The following FAM135B variants were observed in gnomAD, a reference collection of about 807,000 sequenced individuals.
FAM135B encodes the protein family with sequence similarity 135 member B.
FAM135B carries 43 observed loss-of-function variants against 127.7 expected under a neutral mutation model. The observed-to-expected ratio is 0.34, with a 90% CI of 0.26 to 0.43. The LOEUF is 0.43. FAM135B is among the 20% of genes least tolerant of loss of function. FAM135B has a pLI of 1.00. For synonymous variants in FAM135B, 670 were observed against 665.1 expected (o/e 1.01, Z -0.11); for missense variants, 1,558 against 1,725.6 (o/e 0.90, Z 1.72).
chr8:138,152,565 G>C lies in FAM135B; in HGVS notation c.1910C>G (p.Pro637Arg), dbSNP rs1004482852. ...KMVLLSLKLT[P>R]SEPCDPLSST... ...ACTTAGTGGATCACAGGGCTCAGAG[G>C]GGGTGAGTTTCAAGCTTAGCAGCAC... Residue 637 changes from proline (P) to arginine (R), a missense_variant, in exon 13 of 20, where the codon CCC becomes CGC. This residue lies in a region of FAM135B where 923 missense variants were observed against 865.3 expected (regional missense o/e 1.07). Transcript: ENST00000395297. The C allele has an allele frequency of 1.2e-6, 2 of 1,614,038 alleles. No homozygotes were observed. Among genetic ancestry groups the C allele is most frequent in the Non-Finnish European group, 1.7e-6 (2 of 1,180,036 alleles).
At chr8:138,173,574 G>C (rs932703619) in intron 11 of FAM135B, among the ~76,000 whole-genome samples, 1 of 152,166 alleles carries the variant, frequency 6.6e-6, no homozygotes, top group African/African-American at 2.4e-5. Flanking sequence ...ACGAGCCAAA[G>C]CATGTAACGC....
At chr8:138,309,392 G>A (rs1000769001) in intron 3 of FAM135B, among the ~76,000 whole-genome samples, 2 of 152,222 alleles carry the variant, frequency 1.3e-5, no homozygotes, top group Non-Finnish European at 2.9e-5. Context: ...TGGAGGGAAA[G>A]AGGAGGAACA....
At position 138,132,863 on chromosome 8, in the gene FAM135B, C is replaced by CT; in HGVS notation, c.4016-66_4016-65insA. On this transcript the variant is annotated intron_variant, in intron 19 of 19. Coordinates refer to ENST00000395297, the MANE Select transcript of FAM135B (RefSeq NM_015912.4). This position sits in a 1 kb window ranked among gnomAD's most constrained non-coding sequence, Gnocchi z 4.5. ...ATTAGCAGTGGAATCTAGAGAACAT[C>CT]ACTAGATGTGTGTCGAAATTCTGTT... The CT allele has an allele frequency of 6.9e-7, 1 of 1,452,160 alleles. No individual in the cohort carries two copies. Among genetic ancestry groups the CT allele is most frequent in the Non-Finnish European group, 9.7e-7 (1 of 1,035,270 alleles). The allele number at this position is 1,452,160 out of a possible 1,614,324, so 90.0% of individuals were successfully genotyped here.
chr8:138,312,758 G>A (rs1304609823), intron 2 of FAM135B, among the ~76,000 whole-genome samples: 1 of 152,150 alleles, frequency 6.6e-6, no homozygotes, highest in Non-Finnish European at 1.5e-5. Context: ...AACCTGCCAA[G>A]AGAAGGACTT....
chr8:138,306,690 C>T (rs1019572991), intron 3 of FAM135B, among the ~76,000 whole-genome samples: 1 of 151,528 alleles, frequency 6.6e-6, no homozygotes, highest in Non-Finnish European at 1.5e-5. Context: ...TCAAGCAATT[C>T]TCCTGTCTCA....
chr8:138,410,625 CA>C (rs1335632328), intron 1 of FAM135B, among the ~76,000 whole-genome samples: 10 of 152,064 alleles, frequency 6.6e-5, no homozygotes, highest in African/African-American at 2.4e-4. Context: ...ATTAAAAAGT[CA>C]AAAAACAACA....
intron 7 of FAM135B, among the ~76,000 whole-genome samples, chr8:138,230,657 G>A (rs1819838784): frequency 6.6e-6 from 1 of 152,170 alleles, no homozygotes; most frequent in South Asian, 2.1e-4. Context: ...CTCCTTCTAG[G>A]AGACTGTTCA....
intron 12 of FAM135B, among the ~76,000 whole-genome samples, chr8:138,163,726 T>G (rs1252857376): frequency 6.6e-6 from 1 of 152,154 alleles, no homozygotes; most frequent in Admixed American, 6.5e-5. Flanking sequence ...TACCCAGTCT[T>G]GGGTATGTCT....
intron 1 of FAM135B, among the ~76,000 whole-genome samples, chr8:138,410,570 G>A (rs539370932): frequency 9.2e-5 from 14 of 152,024 alleles, no homozygotes; most frequent in South Asian, 2.1e-4. Flanking sequence ...AACATAAACC[G>A]AAACCATAAT....
chr8:138,279,899 C>T (rs960264734), intron 3 of FAM135B, among the ~76,000 whole-genome samples: 1 of 152,160 alleles, frequency 6.6e-6, no homozygotes, highest in Non-Finnish European at 1.5e-5. Flanking sequence ...AAAAAGTTGC[C>T]AAATGAGCAC....
chr8:138,288,598 G>A (rs1011628900), intron 3 of FAM135B, among the ~76,000 whole-genome samples: 1 of 152,158 alleles, frequency 6.6e-6, no homozygotes, highest in African/African-American at 2.4e-5. Context: ...AGGAAACGGA[G>A]GAAGTCCACT....
intron 2 of FAM135B, among the ~76,000 whole-genome samples, chr8:138,363,632 C>T (rs1425443277): frequency 6.6e-6 from 1 of 152,158 alleles, no homozygotes; most frequent in East Asian, 1.9e-4. Context: ...TCGCTCAAAG[C>T]CAACATCATT....
chr8:138,177,026 G>A (rs1424805131), intron 11 of FAM135B, among the ~76,000 whole-genome samples: 1 of 152,174 alleles, frequency 6.6e-6, no homozygotes, highest in Non-Finnish European at 1.5e-5. Context: ...CATAGTTTGA[G>A]GCCACACCAC....
At chr8:138,349,055 C>T (rs1829610692) in intron 2 of FAM135B, among the ~76,000 whole-genome samples, 1 of 152,162 alleles carries the variant, frequency 6.6e-6, no homozygotes, top group Non-Finnish European at 1.5e-5. Flanking sequence ...CACCATGTAA[C>T]CCTAGGGTGA....
chr8:138,486,981 T>C (rs989170262), intron 1 of FAM135B, among the ~76,000 whole-genome samples: 1 of 152,074 alleles, frequency 6.6e-6, no homozygotes, highest in Non-Finnish European at 1.5e-5. Context: ...TTTTTTTAAT[T>C]ATACTTTAAG....
At chr8:138,418,193 A>G (rs1260609456) in intron 1 of FAM135B, among the ~76,000 whole-genome samples, 1 of 152,184 alleles carries the variant, frequency 6.6e-6, no homozygotes. Context: ...AAAGATGATG[A>G]AAGAATCTCA....
intron 1 of FAM135B, among the ~76,000 whole-genome samples, chr8:138,375,639 T>C (rs569439198): frequency 6.6e-6 from 1 of 152,208 alleles, no homozygotes; most frequent in South Asian, 2.1e-4. Context: ...TCTAGTTAAT[T>C]GTATGAGTGT....
At position 138,360,695 on chromosome 8, in the gene FAM135B, G is replaced by A. The variant is rs969106392; in HGVS notation, c.77+7212C>T. On this transcript the variant is annotated intron_variant, in intron 2 of 19. Coordinates refer to ENST00000395297, the MANE Select transcript of FAM135B (RefSeq NM_015912.4). ...GAACTTTAGCAAGTGCTGACACCTC[G>A]GTCCCACTGTGAAGATTTTTTTTAC... is the stretch of plus-strand genomic sequence containing the variant. Among the ~76,000 whole-genome samples the A allele has an allele frequency of 1.5e-4, 23 of 152,154 alleles. 1 individual carries two copies. The highest frequency in any genetic ancestry group is 6.2e-4 in the South Asian group (3 of 4,824).
At chr8:138,307,670 T>C (rs77726548) in intron 3 of FAM135B, among the ~76,000 whole-genome samples, 8,314 of 151,638 alleles carry the variant, frequency 0.055, 371 homozygotes, top group East Asian at 0.12. Flanking sequence ...AGGGGCTTTG[T>C]CATCATGTCC....
Sources: allele counts gnomAD v4.1 joint callset (sites outside exome capture counted in the v4.1 genomes callset), GRCh38; gene constraint gnomAD v4.1.1; regional missense constraint gnomAD v4.1.1; non-coding constraint Gnocchi (gnomAD v3.1); transcripts MANE v1.5; gene names NCBI Gene and HGNC (gene_info 2026-07-23, HGNC 2026-07-21).